The following SFMBT2 variants were observed in gnomAD, a reference collection of about 807,000 sequenced individuals.
SFMBT2 encodes the protein Scm like with four mbt domains 2.
A neutral mutation model predicts 110.1 loss-of-function variants in SFMBT2; 38 were observed. That is an observed-to-expected ratio of 0.35 (90% CI 0.27 to 0.45). SFMBT2 has a LOEUF of 0.45. Among genes scored for constraint, SFMBT2 ranks in the 20% least tolerant of loss-of-function variants. The probability of loss-of-function intolerance (pLI) is 1.00; values close to 1 mark genes in which losing one functional copy is unlikely to be tolerated. For missense variants in SFMBT2, 1,011 were observed against 1,094.9 expected, an observed-to-expected ratio of 0.92 and a Z score of 1.08; for synonymous variants, 425 against 425.4, an observed-to-expected ratio of 1.00 and a Z score of 0.01.
At chr10:7,249,115 G>A (rs1588383014) in intron 7 of SFMBT2, 1 of 971,048 alleles carries the variant, frequency 1.0e-6, no homozygotes, top group Non-Finnish European at 1.2e-6. Flanking sequence ...GTTACTAGAA[G>A]TAAGCTGGCA....
In SFMBT2 at chr10:7,205,676, T is replaced by A. The variant is rs1306191746; in HGVS notation, c.1444+139A>T. The stretch of plus-strand genomic sequence containing the variant: ...AACACTTAAAGATTAAGCGAGATCA[T>A]GAAAACATGGGTTCTTGGTGGAAAA... On this transcript the variant is annotated intron_variant, in intron 12 of 20. Transcript: ENST00000397167. 6 of 1,399,154 alleles carry A rather than the reference T, an allele frequency of 4.3e-6. No individual in the cohort carries two copies. In the East Asian group the frequency reaches 1.1e-4, roughly 25 times the overall value. 86.7% of individuals were successfully genotyped at this position (1,399,154 alleles called of 1,614,324 possible). A position where few individuals can be genotyped will look rare whatever the true frequency, so the allele number is the denominator to read the frequency against.
rs779089810 is a variant in SFMBT2, at chr10:7,227,892, T to C, written c.1166A>G (p.His389Arg). ...GAAGGGAGGGGCTTCCTGCGCCCCATGCTGCTTGTGATAATCTGCCCAGTC... is the reference window on the plus strand; with the variant it reads ...GAAGGGAGGGGCTTCCTGCGCCCCACGCTGCTTGTGATAATCTGCCCAGTC... Reference protein sequence around the residue: ...DFDWADYHKQHGAQEAPPFCF... With the variant: ...DFDWADYHKQRGAQEAPPFCF... The change falls in exon 10 of 21, where the codon CAT (histidine) becomes CGT (arginine). Residue 389 changes from histidine (H) to arginine (R), a missense_variant. By Grantham distance (29) the His-to-Arg change is conservative (BLOSUM62 0). Coordinates refer to ENST00000397167, the MANE Select transcript of SFMBT2 (RefSeq NM_001387889.1). 1.2e-5 allele frequency: 19 copies of C among 1,609,422 alleles called. No individual in the cohort carries two copies. Among genetic ancestry groups the C allele is most frequent in the East Asian group, 2.2e-5 (1 of 44,648 alleles).
At chr10:7,289,152 T>C (rs1203438514) in intron 4 of SFMBT2, among the ~76,000 whole-genome samples, 1 of 152,082 alleles carries the variant, frequency 6.6e-6, no homozygotes, top group Non-Finnish European at 1.5e-5. Context: ...AATATGAAAA[T>C]GACTCACATA....
chr10:7,329,227 G>C (rs536952154), intron 4 of SFMBT2, among the ~76,000 whole-genome samples: 7 of 152,344 alleles, frequency 4.6e-5, no homozygotes, highest in African/African-American at 1.7e-4. Flanking sequence ...AAGACCAACA[G>C]TGAATGATGG....
chr10:7,177,688 G>A (rs1378509861), intron 16 of SFMBT2, among the ~76,000 whole-genome samples: 3 of 152,004 alleles, frequency 2.0e-5, no homozygotes, highest in Non-Finnish European at 4.4e-5. Context: ...AGCATAGCGA[G>A]ACCCCCATCT....
chr10:7,380,089 G>A, intron 2 of SFMBT2, among the ~76,000 whole-genome samples: 1 of 152,174 alleles, frequency 6.6e-6, no homozygotes, highest in Admixed American at 6.5e-5. Flanking sequence ...TGAAAGCTCA[G>A]GAACTCCAGA....
At chr10:7,274,157 A>C (rs1841692590) in intron 7 of SFMBT2, among the ~76,000 whole-genome samples, 1 of 152,190 alleles carries the variant, frequency 6.6e-6, no homozygotes. Flanking sequence ...CTGCAACTTC[A>C]GTAGAAGCAA....
chr10:7,358,680 G>C lies in SFMBT2; in HGVS notation c.436+8969C>G, dbSNP rs1037535478. 6.6e-5 allele frequency among the ~76,000 whole-genome samples: 10 copies of C among 150,610 alleles called. No homozygotes were observed. The South Asian group carries it at 2.1e-3, about 32-fold the overall frequency. The stretch of plus-strand genomic sequence containing the variant: ...CAGCATGGCGCTAGAACATCTACTT[G>C]GCCCTGGAATGGAGGCATGGTGGCT... On this transcript the variant is annotated intron_variant, in intron 4 of 20. Coordinates refer to ENST00000397167, the MANE Select transcript of SFMBT2 (RefSeq NM_001387889.1).
At chr10:7,258,682 C>A (rs1214537939) in intron 7 of SFMBT2, among the ~76,000 whole-genome samples, 5 of 152,134 alleles carry the variant, frequency 3.3e-5, no homozygotes, top group African/African-American at 1.2e-4. Flanking sequence ...GCTGAAAAAA[C>A]CATCCAGAAC....
Position 7,301,439 on chromosome 10 carries a change from G to A in SFMBT2, c.437-15485C>T, listed in dbSNP as rs534701175. Among the ~76,000 whole-genome samples, 3 of 152,198 alleles carry A rather than the reference G, an allele frequency of 2.0e-5. No individual in the cohort carries two copies. Among genetic ancestry groups the A allele is most frequent in the Admixed American group, 6.5e-5 (1 of 15,276 alleles). ...ACTCATGAGACAGCGGAGGAAACCC[G>A]GGAGGGACTAGAACAAAGTCCAGGC... On this transcript the variant is annotated intron_variant, in intron 4 of 20. Coordinates refer to ENST00000397167, the MANE Select transcript of SFMBT2 (RefSeq NM_001387889.1). This position sits in a 1 kb window ranked among gnomAD's most constrained non-coding sequence, Gnocchi z 4.2.
At chr10:7,396,635 T>C (rs943798377) in intron 1 of SFMBT2, among the ~76,000 whole-genome samples, 5 of 152,084 alleles carry the variant, frequency 3.3e-5, no homozygotes, top group Admixed American at 6.5e-5. Flanking sequence ...AACATAGCAT[T>C]TTCCACTTTG....
At chr10:7,366,641 C>A (rs997362759) in intron 4 of SFMBT2, among the ~76,000 whole-genome samples, 6 of 152,196 alleles carry the variant, frequency 3.9e-5, no homozygotes, top group Admixed American at 2.0e-4. Flanking sequence ...CTGCCATTAT[C>A]ATACAATAAA....
chr10:7,349,038 C>T (rs772975482), intron 4 of SFMBT2, among the ~76,000 whole-genome samples: 4 of 152,196 alleles, frequency 2.6e-5, no homozygotes, highest in African/African-American at 9.7e-5. Context: ...ACCCATTCTC[C>T]ACCTCTCTGA....
chr10:7,228,764 CTCTCTCTCTCTCTCT>C (rs1840018452), intron 9 of SFMBT2, among the ~76,000 whole-genome samples: 2 of 133,568 alleles, frequency 1.5e-5, no homozygotes, highest in Non-Finnish European at 3.4e-5. Flanking sequence ...CTCTCTCTCT[CTCTCTCTCTCTCTCT>C]CTCCCCCTCC....
At chr10:7,279,015 C>T (rs143712291) in intron 6 of SFMBT2, among the ~76,000 whole-genome samples, 50 of 151,652 alleles carry the variant, frequency 3.3e-4, no homozygotes, top group African/African-American at 1.1e-3. Flanking sequence ...GCAGGAGAAT[C>T]GCTTGAACCC....
At chr10:7,188,466 T>C (rs1042563209) in intron 16 of SFMBT2, among the ~76,000 whole-genome samples, 158 bp downstream of exon 16, 2 of 152,194 alleles carry the variant, frequency 1.3e-5, no homozygotes, top group African/African-American at 4.8e-5. Context: ...ATGGCAAAAA[T>C]GCCAAGAAAT....
rs577792569 is a variant in SFMBT2, at chr10:7,318,617, C to T, written c.437-32663G>A. Among the ~76,000 whole-genome samples the T allele has an allele frequency of 1.5e-4, 23 of 152,360 alleles. No homozygotes were observed. The South Asian group carries it at 4.8e-3, about 32-fold the overall frequency. ...ATATGCCTTGAGCCACAATATGACA[C>T]ATCAGTCATACTGATAGAAGAATAT... On this transcript the variant is annotated intron_variant, in intron 4 of 20. Transcript: ENST00000397167.
chr10:7,184,808 A>G (rs1320244870), intron 16 of SFMBT2, among the ~76,000 whole-genome samples: 20 of 152,108 alleles, frequency 1.3e-4, no homozygotes, highest in Non-Finnish European at 2.8e-4. Flanking sequence ...ACACCCTCAA[A>G]TGCTGGAGGA....
intron 1 of SFMBT2, 36 bp from the exon 2 acceptor site, chr10:7,381,985 T>G (rs2132082759): frequency 7.8e-7 from 1 of 1,278,162 alleles, no homozygotes; most frequent in Admixed American, 2.7e-5. Context: ...TCAGAGCAGT[T>G]TAATCATATT....
Sources: allele counts gnomAD v4.1 joint callset (sites outside exome capture counted in the v4.1 genomes callset), GRCh38; gene constraint gnomAD v4.1.1; non-coding constraint Gnocchi (gnomAD v3.1); transcripts MANE v1.5; gene names NCBI Gene and HGNC (gene_info 2026-07-23, HGNC 2026-07-21).